Variants in TENM3 observed in about 807,000 individuals in gnomAD.
TENM3 encodes teneurin transmembrane protein 3.
Under a neutral mutation model 255.1 loss-of-function variants are expected in TENM3, and 63 were observed. The ratio of observed to expected loss-of-function variants is 0.25; its 90% CI spans 0.20 to 0.30. The LOEUF (loss-of-function observed/expected upper bound fraction) is 0.30, where lower values mean the gene tolerates loss of function less well. Ranked by LOEUF, TENM3 falls within the 10% of genes least tolerant of loss-of-function variation. TENM3 has a pLI of 1.00. For missense variants in TENM3, 2,929 were observed against 3,461.1 expected, an observed-to-expected ratio of 0.85 and a Z score of 3.86; for synonymous variants, 1,306 against 1,322.3, an observed-to-expected ratio of 0.99 and a Z score of 0.27.
chr4:181,912,160 C>A, the TENM3 span, among the ~76,000 whole-genome samples: 1 of 152,156 alleles, frequency 6.6e-6, no homozygotes, highest in African/African-American at 2.4e-5. Flanking sequence ...AGCTCAAATT[C>A]CACATTGGAG....
the TENM3 span, among the ~76,000 whole-genome samples, chr4:181,805,615 T>TGTGTG: frequency 3.6e-4 from 50 of 137,894 alleles, no homozygotes; most frequent in Non-Finnish European, 7.3e-4. Context: ...GTGTGTGTGG[T>TGTGTG]GTGTGTGTGT....
the TENM3 span, among the ~76,000 whole-genome samples, chr4:181,940,135 C>T: frequency 3.9e-3 from 597 of 152,248 alleles, 18 homozygotes; most frequent in South Asian, 0.059. Flanking sequence ...TTGAAGTATG[C>T]TCAATGAAAA....
the TENM3 span, among the ~76,000 whole-genome samples, chr4:181,991,147 T>A: frequency 6.6e-6 from 1 of 152,248 alleles, no homozygotes; most frequent in South Asian, 2.1e-4. Flanking sequence ...TAGAAAAAAA[T>A]TAAATGAACT....
chr4:182,439,804 A>G (rs1301197326), intron 3 of TENM3, among the ~76,000 whole-genome samples: 3 of 152,230 alleles, frequency 2.0e-5, no homozygotes, highest in Admixed American at 6.5e-5. Context: ...TTTGTTAACC[A>G]TCACCCACAC....
the TENM3 span, among the ~76,000 whole-genome samples, chr4:181,820,801 T>C: frequency 2.0e-5 from 3 of 152,188 alleles, no homozygotes; most frequent in African/African-American, 7.2e-5. Context: ...TGAATGCCAG[T>C]GGCAGCACAT....
the TENM3 span, among the ~76,000 whole-genome samples, chr4:182,098,850 A>T: frequency 6.6e-6 from 1 of 152,186 alleles, no homozygotes; most frequent in African/African-American, 2.4e-5. Flanking sequence ...CCAAAAAATG[A>T]TAAATAAGTG....
intron 1 of TENM3, among the ~76,000 whole-genome samples, chr4:182,187,815 G>A (rs1753264767): frequency 6.6e-6 from 1 of 152,096 alleles, no homozygotes; most frequent in Non-Finnish European, 1.5e-5. Flanking sequence ...AATAAAAAGA[G>A]TTTTTTGTCA....
At chr4:182,084,198 GAA>G in the TENM3 span, among the ~76,000 whole-genome samples, 1 of 152,020 alleles carries the variant, frequency 6.6e-6, no homozygotes, top group African/African-American at 2.4e-5. Context: ...TTGCTGGGGG[GAA>G]AAAATAAGCT....
chr4:181,504,900 G>C, the TENM3 span, among the ~76,000 whole-genome samples: 2 of 152,102 alleles, frequency 1.3e-5, no homozygotes, highest in African/African-American at 4.8e-5. Context: ...TCATAAATTT[G>C]TTTACTTAGC....
At chr4:182,329,377 G>T (rs1763616094) in intron 2 of TENM3, among the ~76,000 whole-genome samples, 2 of 152,184 alleles carry the variant, frequency 1.3e-5, no homozygotes, top group South Asian at 4.1e-4. Context: ...GGTTTCCTTG[G>T]CCCCTCAGGA....
chr4:182,263,941 AT>A (rs1242103052), intron 1 of TENM3, among the ~76,000 whole-genome samples: 1 of 152,190 alleles, frequency 6.6e-6, no homozygotes, highest in African/African-American at 2.4e-5. Context: ...CGAAAAAAAA[AT>A]AATTTTCCTT....
intron 1 of TENM3, among the ~76,000 whole-genome samples, chr4:182,274,359 G>A (rs1759849112): frequency 6.6e-6 from 1 of 152,184 alleles, no homozygotes; most frequent in Non-Finnish European, 1.5e-5. Context: ...GGAGAAAGGA[G>A]ATACTCCTGA....
intron 3 of TENM3, among the ~76,000 whole-genome samples, chr4:182,477,286 A>C (rs1211030523): frequency 6.6e-6 from 1 of 152,130 alleles, no homozygotes; most frequent in Non-Finnish European, 1.5e-5. Flanking sequence ...TTGTATGAGC[A>C]TCCTGGGTGA....
At chr4:181,633,170 C>T in the TENM3 span, among the ~76,000 whole-genome samples, 2 of 152,180 alleles carry the variant, frequency 1.3e-5, no homozygotes, top group Non-Finnish European at 2.9e-5. Context: ...AGTTATTGCT[C>T]TGTGAATTCC....
chr4:181,857,551 C>CAAAAAAAAA, the TENM3 span, among the ~76,000 whole-genome samples: 153 of 104,522 alleles, frequency 1.5e-3, no homozygotes, highest in Non-Finnish European at 2.3e-3. Context: ...CCTGTCTCTA[C>CAAAAAAAAA]AAAAAAAAAA....
chr4:182,604,130 A>C (rs945743824), intron 4 of TENM3, among the ~76,000 whole-genome samples: 3 of 152,150 alleles, frequency 2.0e-5, no homozygotes, highest in Admixed American at 1.3e-4. Context: ...CTTCCATAAA[A>C]ATGTTTATTT....
the TENM3 span, among the ~76,000 whole-genome samples, chr4:181,937,851 T>C: frequency 6.6e-6 from 1 of 152,182 alleles, no homozygotes; most frequent in Admixed American, 6.5e-5. Context: ...TTTAAAAGTC[T>C]CTTCAAGCTG....
chr4:182,333,554 A>T (rs1763915992), intron 2 of TENM3, among the ~76,000 whole-genome samples: 1 of 149,964 alleles, frequency 6.7e-6, no homozygotes, highest in South Asian at 2.1e-4. Flanking sequence ...AAATAAACTC[A>T]CAAGAAGAAA....
the TENM3 span, among the ~76,000 whole-genome samples, chr4:181,545,363 G>A: frequency 2.6e-5 from 4 of 152,116 alleles, no homozygotes; most frequent in African/African-American, 9.7e-5. Context: ...TAGCCATTTT[G>A]TTTCTTGAGT....
Sources: allele counts gnomAD v4.1 joint callset (sites outside exome capture counted in the v4.1 genomes callset), GRCh38; gene constraint gnomAD v4.1.1; transcripts MANE v1.5; gene names NCBI Gene and HGNC (gene_info 2026-07-23, HGNC 2026-07-21).